The following PCDH9 variants were observed in gnomAD, a reference collection of about 807,000 sequenced individuals.
PCDH9 encodes protocadherin-9.
In PCDH9, 24 loss-of-function variants were observed where a neutral mutation model predicts 70.6. The ratio of observed to expected loss-of-function variants is 0.34; its 90% CI spans 0.25 to 0.48. PCDH9 has a LOEUF of 0.48. Among genes scored for constraint, PCDH9 ranks in the 20% least tolerant of loss-of-function variants. The pLI is 0.99. For synonymous variants in PCDH9, 562 were observed against 558.5 expected (o/e 1.01, Z -0.09); for missense variants, 1,281 against 1,503.6 (o/e 0.85, Z 2.45).
At chr13:66,407,156 C>T (rs1300656187) in intron 4 of PCDH9, among the ~76,000 whole-genome samples, 1 of 152,150 alleles carries the variant, frequency 6.6e-6, no homozygotes, top group Non-Finnish European at 1.5e-5. Context: ...ATCATTTCTC[C>T]TCGGAGATGG....
chr13:67,049,330 A>G (rs2085280481), intron 2 of PCDH9, among the ~76,000 whole-genome samples: 1 of 152,242 alleles, frequency 6.6e-6, no homozygotes, highest in Non-Finnish European at 1.5e-5. Flanking sequence ...TGTTTCTAAC[A>G]GTAGCAATAT....
chr13:66,311,286 T>C (rs1955555108), intron 4 of PCDH9, among the ~76,000 whole-genome samples: 2 of 152,158 alleles, frequency 1.3e-5, no homozygotes, highest in East Asian at 3.9e-4. Context: ...TCCAGAATAC[T>C]AACACAACAA....
At chr13:66,911,081 T>C (rs1411783798) in intron 2 of PCDH9, among the ~76,000 whole-genome samples, 2 of 152,318 alleles carry the variant, frequency 1.3e-5, no homozygotes, top group East Asian at 1.9e-4. Flanking sequence ...AACTATTTAA[T>C]GAAAGTGGAG....
chr13:66,778,987 A>G (rs925630047), intron 3 of PCDH9, among the ~76,000 whole-genome samples: 1 of 152,182 alleles, frequency 6.6e-6, no homozygotes, highest in Admixed American at 6.5e-5. Context: ...ATATTCATTC[A>G]GGATTTGACC....
rs118084319 is a variant in PCDH9, at chr13:66,745,270, C to A, written c.3139-113859G>T. Among the ~76,000 whole-genome samples, 159 of 152,210 alleles carry A rather than the reference C, an allele frequency of 1.0e-3. 2 individuals carry two copies. Among genetic ancestry groups the A allele is most frequent in the East Asian group, 2.9e-3 (15 of 5,182 alleles). On this transcript the variant is annotated intron_variant, in intron 3 of 4. Coordinates refer to ENST00000377865, the MANE Select transcript of PCDH9 (RefSeq NM_203487.3). ...TATTTTATTAATCTATGTTTCATAC[C>A]TGTAGAAATTCACAAGTGATAGAAA... is the stretch of plus-strand genomic sequence containing the variant.
chr13:66,752,743 T>C (rs756168422), intron 3 of PCDH9, among the ~76,000 whole-genome samples: 1 of 152,224 alleles, frequency 6.6e-6, no homozygotes, highest in African/African-American at 2.4e-5. Flanking sequence ...GTTGTCTGAT[T>C]TGATACAGTA....
At chr13:66,876,208 A>G (rs893696581) in intron 3 of PCDH9, among the ~76,000 whole-genome samples, 8 of 152,306 alleles carry the variant, frequency 5.3e-5, no homozygotes, top group Admixed American at 3.3e-4. Flanking sequence ...ACTTAGTACT[A>G]TAAATTACAG....
Position 66,394,277 on chromosome 13 carries a change from T to C in PCDH9, c.3341-89249A>G, listed in dbSNP as rs183192814. ...TGAGTAGAATATAAAGACAGTACCATAGTTTAAGAAATATCAGCATCTAGA... is the reference window on the plus strand; with the variant it reads ...TGAGTAGAATATAAAGACAGTACCACAGTTTAAGAAATATCAGCATCTAGA... On this transcript the variant is annotated intron_variant, in intron 4 of 4. Transcript: ENST00000377865. 3.3e-3 allele frequency among the ~76,000 whole-genome samples: 498 copies of C among 152,270 alleles called. 3 individuals carry two copies. Among genetic ancestry groups the C allele is most frequent in the African/African-American group, 0.012 (483 of 41,548 alleles).
chr13:66,740,681 T>C (rs1190252006), intron 3 of PCDH9, among the ~76,000 whole-genome samples: 1 of 151,574 alleles, frequency 6.6e-6, no homozygotes, highest in East Asian at 1.9e-4. Flanking sequence ...CCCACAGAAA[T>C]ACAAACTACC....
intron 3 of PCDH9, among the ~76,000 whole-genome samples, chr13:66,774,181 T>C (rs1312269789): frequency 6.6e-6 from 1 of 152,188 alleles, no homozygotes; most frequent in African/African-American, 2.4e-5. Context: ...CAACCCTTCC[T>C]GAGTCTCTTT....
chr13:66,547,882 GAT>G (rs1961278368), intron 4 of PCDH9, among the ~76,000 whole-genome samples: 1 of 141,414 alleles, frequency 7.1e-6, no homozygotes, highest in South Asian at 2.3e-4. Context: ...ATAATAATAT[GAT>G]ATTTAATCAT....
At chr13:66,629,603 T>G (rs1470530601) in intron 4 of PCDH9, among the ~76,000 whole-genome samples, 1 of 152,192 alleles carries the variant, frequency 6.6e-6, no homozygotes, top group Non-Finnish European at 1.5e-5. Context: ...GTTTTTTCCT[T>G]GGGTATGTCC....
chr13:66,468,129 A>G (rs1958550970), intron 4 of PCDH9, among the ~76,000 whole-genome samples: 1 of 151,772 alleles, frequency 6.6e-6, no homozygotes, highest in Admixed American at 6.6e-5. Context: ...TGTCCTAATT[A>G]CCTTTCTTCC....
intron 4 of PCDH9, among the ~76,000 whole-genome samples, chr13:66,545,303 C>A (rs898460290): frequency 6.6e-6 from 1 of 152,088 alleles, no homozygotes; most frequent in Non-Finnish European, 1.5e-5. Context: ...AATAAACATT[C>A]TGATACTGAT....
chr13:66,499,348 C>T (rs1019391527), intron 4 of PCDH9, among the ~76,000 whole-genome samples: 1 of 152,002 alleles, frequency 6.6e-6, no homozygotes. Flanking sequence ...GATATACATA[C>T]TTGGACATTA....
chr13:67,061,048 A>G (rs1163565160), intron 2 of PCDH9, among the ~76,000 whole-genome samples: 1 of 152,118 alleles, frequency 6.6e-6, no homozygotes, highest in Non-Finnish European at 1.5e-5. Context: ...TAAAATTTTA[A>G]TTACTGCTTT....
chr13:66,846,139 A>T (rs1328502870), intron 3 of PCDH9, among the ~76,000 whole-genome samples: 10 of 69,242 alleles, frequency 1.4e-4, no homozygotes, highest in Non-Finnish European at 2.9e-4. Context: ...AAAAGACCAA[A>T]AAAAAAAAAA....
At chr13:67,181,305 G>C (rs898633471) in intron 2 of PCDH9, among the ~76,000 whole-genome samples, 9 of 151,982 alleles carry the variant, frequency 5.9e-5, no homozygotes, top group African/African-American at 2.2e-4. Context: ...AGCTGCATAG[G>C]GAGAATAATC....
At chr13:66,692,246 G>T (rs1170435019) in intron 3 of PCDH9, among the ~76,000 whole-genome samples, 1 of 152,042 alleles carries the variant, frequency 6.6e-6, no homozygotes, top group Non-Finnish European at 1.5e-5. Context: ...TGTAAGTCAT[G>T]TTGAAATATT....
Sources: allele counts gnomAD v4.1 joint callset (sites outside exome capture counted in the v4.1 genomes callset), GRCh38; gene constraint gnomAD v4.1.1; transcripts MANE v1.5; gene names NCBI Gene and HGNC (gene_info 2026-07-23, HGNC 2026-07-21).